The following NR1H4 variants were observed in gnomAD, a reference collection of about 807,000 sequenced individuals.
NR1H4 encodes the protein bile acid receptor.
A neutral mutation model predicts 58.5 loss-of-function variants in NR1H4; 23 were observed. That is an observed-to-expected ratio of 0.39 (90% CI 0.28 to 0.56). NR1H4 has a LOEUF of 0.56. Among genes scored for constraint, NR1H4 ranks in the 20% least tolerant of loss-of-function variants. The pLI is 0.58. For synonymous variants in NR1H4, 214 were observed against 198.0 expected (o/e 1.08, Z -0.68); for missense variants, 487 against 576.9 (o/e 0.84, Z 1.60).
At chr12:100,554,499 A>G (rs1955279933) in intron 9 of NR1H4, among the ~76,000 whole-genome samples, 1 of 152,190 alleles carries the variant, frequency 6.6e-6, no homozygotes, top group South Asian at 2.1e-4. Flanking sequence ...TAAAACACCT[A>G]AAGCAGTATA....
intron 4 of NR1H4, chr12:100,525,396 A>C (rs935550626): frequency 6.6e-6 from 1 of 152,182 alleles, no homozygotes; most frequent in Non-Finnish European, 1.5e-5. Context: ...TAGGGCTTGG[A>C]GTCAAGGTGT....
chr12:100,543,246 A>G (rs930108090), intron 9 of NR1H4, among the ~76,000 whole-genome samples: 3 of 152,158 alleles, frequency 2.0e-5, no homozygotes, highest in African/African-American at 7.2e-5. Context: ...AGAAAGGAAT[A>G]AAAGAATCAG....
rs536013405 is a variant in NR1H4 at position 100,550,658 on chromosome 12, G to A, written c.1078+9840G>A. Among the ~76,000 whole-genome samples, 111 of 151,144 alleles carry A rather than the reference G, an allele frequency of 7.3e-4. 1 individual carries two copies. Among genetic ancestry groups the A allele is most frequent in the African/African-American group, 2.6e-3 (106 of 41,412 alleles). ...TGGGATTACAGGTGTGAGCCACCGC[G>A]CCTGGCCCAAGTTTACATTTTAACA... On this transcript the variant is annotated intron_variant, in intron 9 of 10. Transcript: ENST00000392986.
intron 4 of NR1H4, among the ~76,000 whole-genome samples, chr12:100,511,750 C>T (rs59961359): frequency 0.017 from 2,653 of 151,784 alleles, 58 homozygotes; most frequent in African/African-American, 0.054. Flanking sequence ...GGTGAAATCT[C>T]GTCTCTACTA....
intron 5 of NR1H4, among the ~76,000 whole-genome samples, chr12:100,533,790 A>G (rs932865934): frequency 1.3e-5 from 2 of 152,242 alleles, no homozygotes; most frequent in Admixed American, 6.5e-5. Flanking sequence ...TTCCCTGTAC[A>G]AAGAAATTCC....
intron 3 of NR1H4, among the ~76,000 whole-genome samples, chr12:100,509,937 A>G (rs1056941830): frequency 2.0e-5 from 3 of 152,216 alleles, no homozygotes; most frequent in Admixed American, 6.5e-5. Flanking sequence ...ACACACACAC[A>G]CACAGAGTTG....
chr12:100,561,738 G>T, intron 9 of NR1H4, 147 bp from the exon 10 acceptor site: 1 of 589,344 alleles, frequency 1.7e-6, no homozygotes, highest in Middle Eastern at 4.5e-4. Context: ...TCCTTCCTTT[G>T]GACATATAAT....
chr12:100,478,120 C>T (rs1316654068), intron 1 of NR1H4, among the ~76,000 whole-genome samples: 2 of 150,788 alleles, frequency 1.3e-5, no homozygotes, highest in African/African-American at 4.9e-5. Flanking sequence ...ATAGGTTCAT[C>T]GATTGTAAAA....
rs189758807 is a variant in NR1H4, at chr12:100,546,298, A to G, written c.1078+5480A>G. 3.1e-4 allele frequency among the ~76,000 whole-genome samples: 47 copies of G among 152,282 alleles called. 2 individuals carry two copies. The highest frequency in any genetic ancestry group is 1.0e-3 in the African/African-American group (43 of 41,556). ...CCAGACCTAGACCCTGTTAATCCCA[A>G]TAACAAAATATCAGTCCCAAGTATC... On this transcript the variant is annotated intron_variant, in intron 9 of 10. Coordinates refer to ENST00000392986, the MANE Select transcript of NR1H4 (RefSeq NM_001206979.2).
At chr12:100,512,085 T>G (rs1047684072) in intron 4 of NR1H4, among the ~76,000 whole-genome samples, 2 of 151,244 alleles carry the variant, frequency 1.3e-5, no homozygotes, top group African/African-American at 4.9e-5. Context: ...ATACAAAAAT[T>G]AGTCAGGTGT....
chr12:100,533,885 GCTCT>G (rs1395737529), intron 5 of NR1H4, among the ~76,000 whole-genome samples: 2 of 149,086 alleles, frequency 1.3e-5, no homozygotes, highest in Admixed American at 1.3e-4. Context: ...ATTTTTAATA[GCTCT>G]CTTTTTTTTT....
chr12:100,489,472 A>T (rs935388610), intron 1 of NR1H4, among the ~76,000 whole-genome samples: 2 of 152,192 alleles, frequency 1.3e-5, no homozygotes, highest in African/African-American at 4.8e-5. Flanking sequence ...GTACCATTAA[A>T]CTATTTATAG....
chr12:100,505,650 G>A (rs748286626), intron 3 of NR1H4: 14 of 699,926 alleles, frequency 2.0e-5, no homozygotes, highest in South Asian at 3.0e-5. Context: ...ATGGAGAACC[G>A]TCACAAAGGA....
chr12:100,532,626 A>G lies in NR1H4; in HGVS notation c.598+16A>G. ...ATGTATACAGGTATTCACTTCAAGC[A>G]ATTACATTTCACTAAAAATCTCTTA... On this transcript the variant is annotated intron_variant, in intron 5 of 10. Transcript: ENST00000392986. 1 of 1,612,416 alleles carries G rather than the reference A, an allele frequency of 6.2e-7. No individual in the cohort carries two copies. Among genetic ancestry groups the G allele is most frequent in the Non-Finnish European group, 8.5e-7 (1 of 1,178,642 alleles).
At chr12:100,548,779 A>G (rs1215023582) in intron 9 of NR1H4, among the ~76,000 whole-genome samples, 1 of 152,186 alleles carries the variant, frequency 6.6e-6, no homozygotes, top group Admixed American at 6.5e-5. Context: ...TTTGAAAAGA[A>G]TTAATCACAA....
chr12:100,546,575 A>G (rs549735085), intron 9 of NR1H4, among the ~76,000 whole-genome samples: 2 of 152,044 alleles, frequency 1.3e-5, no homozygotes, highest in South Asian at 2.1e-4. Context: ...GGCACCTGTA[A>G]TCCTAGCTAC....
intron 5 of NR1H4, among the ~76,000 whole-genome samples, chr12:100,534,599 T>C (rs1954772053): frequency 6.6e-6 from 1 of 152,206 alleles, no homozygotes; most frequent in Non-Finnish European, 1.5e-5. Flanking sequence ...AAAATGATTA[T>C]TGCTTTTATT....
chr12:100,474,393 A>G (rs1953224547), intron 1 of NR1H4, among the ~76,000 whole-genome samples: 1 of 152,238 alleles, frequency 6.6e-6, no homozygotes, highest in South Asian at 2.1e-4. Flanking sequence ...TTTGACTTGT[A>G]TAGTGTGCTA....
chr12:100,546,172 A>G (rs1297918686), intron 9 of NR1H4, among the ~76,000 whole-genome samples: 1 of 152,174 alleles, frequency 6.6e-6, no homozygotes, highest in Non-Finnish European at 1.5e-5. Context: ...GCTGTCTTTA[A>G]GGGTGATCTG....
Sources: allele counts gnomAD v4.1 joint callset (sites outside exome capture counted in the v4.1 genomes callset), GRCh38; gene constraint gnomAD v4.1.1; transcripts MANE v1.5; gene names NCBI Gene and HGNC (gene_info 2026-07-23, HGNC 2026-07-21).